DCC: variants seen among roughly 807,000 people sequenced by gnomAD.
DCC encodes DCC netrin 1 receptor.
A neutral mutation model predicts 172.5 loss-of-function variants in DCC; 58 were observed. That is an observed-to-expected ratio of 0.34 (90% CI 0.27 to 0.42). The LOEUF is 0.42. Ranked by LOEUF, DCC falls within the 10% of genes least tolerant of loss-of-function variation. The pLI is 1.00. For missense variants in DCC, 1,740 were observed against 1,791.0 expected, an observed-to-expected ratio of 0.97 and a Z score of 0.51; for synonymous variants, 709 against 644.5, an observed-to-expected ratio of 1.10 and a Z score of -1.52.
chr18:52,505,916 A>C (rs1402626604), intron 1 of DCC, among the ~76,000 whole-genome samples: 1 of 152,162 alleles, frequency 6.6e-6, no homozygotes, highest in African/African-American at 2.4e-5. Context: ...AGTTGTGCTA[A>C]AAAAGGTCGT....
At chr18:52,985,762 T>G (rs1410351513) in intron 5 of DCC, among the ~76,000 whole-genome samples, 1 of 152,148 alleles carries the variant, frequency 6.6e-6, no homozygotes, top group East Asian at 1.9e-4. Context: ...TTCTATTTAT[T>G]TATCTTTTGG....
chr18:53,492,935 G>T (rs1211755194), intron 26 of DCC, among the ~76,000 whole-genome samples: 1 of 152,138 alleles, frequency 6.6e-6, no homozygotes, highest in Admixed American at 6.5e-5. Context: ...TCATGGTATT[G>T]ATTCTTCCTA....
intron 8 of DCC, among the ~76,000 whole-genome samples, chr18:53,162,305 A>G (rs923700053): frequency 1.3e-5 from 2 of 151,836 alleles, no homozygotes; most frequent in Non-Finnish European, 2.9e-5. Context: ...CCTCAAAAAA[A>G]AAAAAAAAAA....
At chr18:52,947,194 A>T (rs529311473) in intron 5 of DCC, among the ~76,000 whole-genome samples, 350 of 152,356 alleles carry the variant, frequency 2.3e-3, no homozygotes, top group Non-Finnish European at 2.6e-3. Context: ...CTATCCCTAG[A>T]AAAACAGGGT....
chr18:53,274,596 C>T (rs1054372407), intron 12 of DCC, among the ~76,000 whole-genome samples: 2 of 152,056 alleles, frequency 1.3e-5, no homozygotes, highest in South Asian at 2.1e-4. Context: ...ATATCTACTC[C>T]TAGAATTAGA....
intron 1 of DCC, among the ~76,000 whole-genome samples, chr18:52,403,077 C>T (rs11082922): frequency 0.65 from 98,458 of 151,858 alleles, 32,461 homozygotes; most frequent in Non-Finnish European, 0.71. Context: ...ACAGGTGCAA[C>T]GGTGAAAGTT....
chr18:53,140,348 T>G (rs2043811960), intron 7 of DCC, among the ~76,000 whole-genome samples: 1 of 152,228 alleles, frequency 6.6e-6, no homozygotes, highest in African/African-American at 2.4e-5. Flanking sequence ...AAATGAATTC[T>G]TTCGCAGAAA....
chr18:52,660,836 T>G (rs968732470), intron 1 of DCC, among the ~76,000 whole-genome samples: 3 of 152,182 alleles, frequency 2.0e-5, no homozygotes, highest in Non-Finnish European at 2.9e-5. Flanking sequence ...GAGGTCCTTC[T>G]TCCCCAGCCT....
At chr18:52,966,093 C>CA (rs932314724) in intron 5 of DCC, among the ~76,000 whole-genome samples, 8 of 152,006 alleles carry the variant, frequency 5.3e-5, no homozygotes, top group Admixed American at 4.6e-4. Context: ...GAATTCTTCC[C>CA]AAAAAAATCC....
intron 1 of DCC, among the ~76,000 whole-genome samples, chr18:52,716,544 TGTGATA>T (rs2036387620): frequency 6.6e-6 from 1 of 152,206 alleles, no homozygotes; most frequent in African/African-American, 2.4e-5. Flanking sequence ...TGGTCTTTTG[TGTGATA>T]GATGGTGAAT....
chr18:53,326,183 A>G (rs921314236), intron 14 of DCC, among the ~76,000 whole-genome samples: 1 of 152,220 alleles, frequency 6.6e-6, no homozygotes, highest in African/African-American at 2.4e-5. Flanking sequence ...TGATATACAC[A>G]TAAGCAATCT....
At chr18:52,922,284 T>C (rs905981716) in intron 3 of DCC, among the ~76,000 whole-genome samples, 1 of 152,164 alleles carries the variant, frequency 6.6e-6, no homozygotes, top group Non-Finnish European at 1.5e-5. Context: ...TAGATAACAA[T>C]TACTGTCTCA....
intron 12 of DCC, among the ~76,000 whole-genome samples, chr18:53,248,326 AC>A (rs2056389028): frequency 6.6e-6 from 1 of 151,926 alleles, no homozygotes; most frequent in African/African-American, 2.4e-5. Context: ...GTCAGTGATT[AC>A]CCCCAGAATG....
Position 52,547,282 on chromosome 18 carries a change from C to A in DCC, c.92-204772C>A, listed in dbSNP as rs562498913. Among the ~76,000 whole-genome samples the A allele has an allele frequency of 7.9e-5, 12 of 152,216 alleles. No homozygotes were observed. In the South Asian group the frequency reaches 2.5e-3, roughly 32 times the overall value. On this transcript the variant is annotated intron_variant, in intron 1 of 28. Coordinates refer to ENST00000442544, the MANE Select transcript of DCC (RefSeq NM_005215.4). The stretch of plus-strand genomic sequence containing the variant: ...TTATTGGGACTTTTAAAACAAAATT[C>A]TTAATCTTAAAAGCGAAAATGTTGT...
chr18:53,208,598 A>G (rs560121842), intron 11 of DCC, among the ~76,000 whole-genome samples: 2 of 152,316 alleles, frequency 1.3e-5, no homozygotes, highest in East Asian at 1.9e-4. Context: ...AAGTATTAAA[A>G]TTGAGCATGA....
intron 2 of DCC, among the ~76,000 whole-genome samples, chr18:52,858,538 A>G (rs1250998040): frequency 1.3e-5 from 2 of 152,168 alleles, no homozygotes; most frequent in African/African-American, 2.4e-5. Flanking sequence ...AGGCTTTCCT[A>G]GCTCCTTTTT....
At chr18:53,345,553 C>T (rs891216374) in intron 15 of DCC, among the ~76,000 whole-genome samples, 1 of 152,116 alleles carries the variant, frequency 6.6e-6, no homozygotes, top group African/African-American at 2.4e-5. Context: ...AGATATATGA[C>T]ATTTCTTATG....
At chr18:53,284,743 A>T (rs2056916265) in intron 12 of DCC, among the ~76,000 whole-genome samples, 1 of 152,186 alleles carries the variant, frequency 6.6e-6, no homozygotes, top group African/African-American at 2.4e-5. Context: ...TCAGAAGAAG[A>T]CAGGAAAATG....
chr18:53,174,952 T>G (rs376302584), intron 8 of DCC, among the ~76,000 whole-genome samples: 2 of 152,056 alleles, frequency 1.3e-5, no homozygotes, highest in African/African-American at 2.4e-5. Flanking sequence ...AACGAATCCA[T>G]CAGCACATCA....
Sources: gnomAD v4.1 joint callset for allele counts (sites outside exome capture counted in the v4.1 genomes callset) on GRCh38, gnomAD v4.1.1 for gene constraint, MANE v1.5 for transcripts, NCBI Gene and HGNC (gene_info 2026-07-23, HGNC 2026-07-21) for gene names.